Variants in PDE10A observed in about 807,000 individuals in gnomAD.
PDE10A encodes cAMP and cAMP-inhibited cGMP 3',5'-cyclic phosphodiesterase 10A.
PDE10A carries 39 observed loss-of-function variants against 97.7 expected under a neutral mutation model. That is an observed-to-expected ratio of 0.40 (90% CI 0.31 to 0.52). The LOEUF is 0.52. PDE10A is among the 20% of genes least tolerant of loss of function. The pLI is 0.56. For missense variants in PDE10A, 731 were observed against 1,047.8 expected (o/e 0.70, Z 4.17); for synonymous variants, 371 against 376.8 (o/e 0.98, Z 0.18).
At chr6:165,623,667 T>C (rs1282339543) in intron 1 of PDE10A, among the ~76,000 whole-genome samples, 1 of 152,192 alleles carries the variant, frequency 6.6e-6, no homozygotes, top group African/African-American at 2.4e-5. Flanking sequence ...ATGCTCACAC[T>C]GTGGGGTCAC....
intron 18 of PDE10A, among the ~76,000 whole-genome samples, chr6:165,358,149 T>C (rs1015402538): frequency 6.6e-5 from 10 of 152,144 alleles, no homozygotes; most frequent in African/African-American, 1.4e-4. Flanking sequence ...ATTTTTAATT[T>C]AATTCCTCTG....
intron 15 of PDE10A, among the ~76,000 whole-genome samples, chr6:165,393,597 T>C (rs1785895012): frequency 6.6e-6 from 1 of 152,130 alleles, no homozygotes; most frequent in Non-Finnish European, 1.5e-5. Context: ...GTATAAGGTA[T>C]GGCATTTTAA....
intron 10 of PDE10A, among the ~76,000 whole-genome samples, chr6:165,422,398 C>A (rs919771320): frequency 6.9e-6 from 1 of 144,950 alleles, no homozygotes; most frequent in Non-Finnish European, 1.5e-5. Context: ...CACGCATACA[C>A]ACATACGCAT....
intron 1 of PDE10A, among the ~76,000 whole-genome samples, chr6:165,876,921 G>A (rs769554338): frequency 1.9e-4 from 29 of 152,188 alleles, no homozygotes; most frequent in Non-Finnish European, 3.4e-4. Context: ...CGACTGAAAT[G>A]CACCATCCAC....
chr6:165,836,751 C>T (rs1233309250), intron 1 of PDE10A, among the ~76,000 whole-genome samples: 1 of 152,090 alleles, frequency 6.6e-6, no homozygotes, highest in East Asian at 1.9e-4. Flanking sequence ...AAACTCACCT[C>T]CCATGGTACC....
At chr6:165,370,018 C>G (rs1784111815) in intron 18 of PDE10A, among the ~76,000 whole-genome samples, 1 of 152,012 alleles carries the variant, frequency 6.6e-6, no homozygotes, top group Non-Finnish European at 1.5e-5. Context: ...ACTTTACAGA[C>G]AAGCAAATGC....
intron 3 of PDE10A, among the ~76,000 whole-genome samples, chr6:165,471,973 G>C (rs1779039846): frequency 6.6e-6 from 1 of 151,962 alleles, no homozygotes; most frequent in Non-Finnish European, 1.5e-5. Context: ...ACTAATTTTT[G>C]TGTCAAAAAT....
chr6:165,534,388 A>G (rs1782956631), intron 2 of PDE10A, among the ~76,000 whole-genome samples: 1 of 151,608 alleles, frequency 6.6e-6, no homozygotes, highest in African/African-American at 2.4e-5. Flanking sequence ...GAACCACCCC[A>G]ATTCTATTCA....
intron 1 of PDE10A, among the ~76,000 whole-genome samples, chr6:165,672,683 T>C (rs1790680489): frequency 1.3e-5 from 2 of 152,240 alleles, no homozygotes; most frequent in Non-Finnish European, 2.9e-5. Context: ...TCTGCCGCTA[T>C]GTGAGACGTT....
intron 1 of PDE10A, among the ~76,000 whole-genome samples, chr6:165,842,421 C>T (rs73256000): frequency 0.025 from 3,743 of 152,306 alleles, 165 homozygotes; most frequent in African/African-American, 0.087. Flanking sequence ...TAGGCCTTTG[C>T]ATATGCTAAA....
At chr6:165,716,566 C>T (rs183802167) in intron 1 of PDE10A, among the ~76,000 whole-genome samples, 3 of 152,268 alleles carry the variant, frequency 2.0e-5, no homozygotes, top group East Asian at 1.9e-4. Context: ...ACTGGAGAAA[C>T]GAGCCTGTTT....
At chr6:165,595,475 A>G (rs1786532353) in intron 1 of PDE10A, among the ~76,000 whole-genome samples, 1 of 152,260 alleles carries the variant, frequency 6.6e-6, no homozygotes, top group Non-Finnish European at 1.5e-5. Flanking sequence ...GAAATTGAAC[A>G]TGCGACATAC....
intron 10 of PDE10A, among the ~76,000 whole-genome samples, chr6:165,420,867 A>T (rs994884132): frequency 1.3e-5 from 2 of 152,152 alleles, no homozygotes; most frequent in African/African-American, 4.8e-5. Context: ...GAAAAGAACA[A>T]TTTTTTCCAG....
At chr6:165,916,588 C>T (rs1489188891) in intron 1 of PDE10A, among the ~76,000 whole-genome samples, 3 of 152,228 alleles carry the variant, frequency 2.0e-5, no homozygotes, top group African/African-American at 7.2e-5. Context: ...AAAATGGCAC[C>T]GTTCCTCTCC....
chr6:165,943,540 C>T (rs147661931), intron 1 of PDE10A, among the ~76,000 whole-genome samples: 4 of 152,188 alleles, frequency 2.6e-5, no homozygotes, highest in African/African-American at 7.2e-5. Context: ...AAGCCACTGG[C>T]GTAAGTACAG....
intron 1 of PDE10A, among the ~76,000 whole-genome samples, chr6:165,643,888 T>A (rs1191082328): frequency 6.6e-6 from 1 of 152,226 alleles, no homozygotes; most frequent in Non-Finnish European, 1.5e-5. Context: ...GATAGATATG[T>A]TAATTCACCT....
In PDE10A at chr6:165,332,647, T is replaced by G; in HGVS notation, c.*378A>C. 5.0e-6 allele frequency: 1 copy of G among 200,726 alleles called. No homozygotes were observed. The highest frequency in any genetic ancestry group is 1.0e-5 in the Non-Finnish European group (1 of 99,518). The allele number at this position is 200,726 out of a possible 1,614,324, so 12.4% of individuals were successfully genotyped here. A position where few individuals can be genotyped will look rare whatever the true frequency, so the allele number is the denominator to read the frequency against. On this transcript the variant is annotated 3_prime_UTR_variant, in exon 22 of 22. Coordinates refer to ENST00000539869, the MANE Select transcript of PDE10A (RefSeq NM_001385079.1). ...TTAAAGCCCAAGTACAATACCATAATAGTACCATTTTAAACCCTTATTAGA... is the reference window on the plus strand; with the variant it reads ...TTAAAGCCCAAGTACAATACCATAAGAGTACCATTTTAAACCCTTATTAGA...
At chr6:165,874,754 T>G (rs1203630320) in intron 1 of PDE10A, among the ~76,000 whole-genome samples, 1 of 152,176 alleles carries the variant, frequency 6.6e-6, no homozygotes. Context: ...TCCAGCAAAT[T>G]GTCAGCAATG....
chr6:165,865,306 T>C (rs1323756823), intron 1 of PDE10A, among the ~76,000 whole-genome samples: 1 of 152,216 alleles, frequency 6.6e-6, no homozygotes, highest in Non-Finnish European at 1.5e-5. Flanking sequence ...AGCATTATTC[T>C]ATAAAGCCAA....
Sources: gnomAD v4.1 joint callset for allele counts (sites outside exome capture counted in the v4.1 genomes callset) on GRCh38, gnomAD v4.1.1 for gene constraint, MANE v1.5 for transcripts, NCBI Gene and HGNC (gene_info 2026-07-23, HGNC 2026-07-21) for gene names.